Variants in ODAD2 observed in about 807,000 individuals in gnomAD.
The protein encoded by ODAD2 is outer dynein arm-docking complex subunit 2.
A neutral mutation model predicts 106.8 loss-of-function variants in ODAD2; 89 were observed. The ratio of observed to expected loss-of-function variants is 0.83; its 90% CI spans 0.70 to 0.99. The LOEUF (loss-of-function observed/expected upper bound fraction) is 0.99, where lower values mean the gene tolerates loss of function less well. Among genes scored for constraint, ODAD2 ranks in the 50% least tolerant of loss-of-function variants. The probability of loss-of-function intolerance (pLI) is 0.00; values close to 1 mark genes in which losing one functional copy is unlikely to be tolerated. For missense variants in ODAD2, 1,168 were observed against 1,238.5 expected, an observed-to-expected ratio of 0.94 and a Z score of 0.85; for synonymous variants, 404 against 436.2, an observed-to-expected ratio of 0.93 and a Z score of 0.92.
At chr10:27,821,466 C>T (rs1175946089) in intron 19 of ODAD2, among the ~76,000 whole-genome samples, 4 of 152,154 alleles carry the variant, frequency 2.6e-5, no homozygotes, top group Admixed American at 2.6e-4. Flanking sequence ...AATATGTTTT[C>T]ATTTTCCTAC....
chr10:27,818,030 A>G (rs1836273936), intron 19 of ODAD2, among the ~76,000 whole-genome samples: 1 of 151,618 alleles, frequency 6.6e-6, no homozygotes, highest in Non-Finnish European at 1.5e-5. Context: ...AACCTTTGTT[A>G]TCCTGGAGTA....
chr10:27,904,658 A>G (rs1564487363), intron 17 of ODAD2, among the ~76,000 whole-genome samples: 1 of 152,170 alleles, frequency 6.6e-6, no homozygotes, highest in Non-Finnish European at 1.5e-5. Flanking sequence ...CTAAATACAG[A>G]GGCTTTATGG....
chr10:27,907,880 T>G, intron 16 of ODAD2, 103 bp from the exon 17 acceptor site: 1 of 851,692 alleles, frequency 1.2e-6, no homozygotes, highest in African/African-American at 1.7e-5. Context: ...TTTGATATTT[T>G]GCTTAGAATT....
chr10:27,940,543 A>G lies in ODAD2; in HGVS notation c.1986+20T>C, dbSNP rs1182963403. On this transcript the variant is annotated intron_variant, in intron 13 of 19. Coordinates refer to ENST00000305242, the MANE Select transcript of ODAD2 (RefSeq NM_018076.5). The stretch of plus-strand genomic sequence containing the variant: ...AAAGTCAAGTTGAGAAGGCAAGGGA[A>G]GCAGAACTGGCATGAGTACCTCTGA... 6.2e-7 allele frequency: 1 copy of G among 1,609,630 alleles called. No homozygotes were observed. The highest frequency in any genetic ancestry group is 8.5e-7 in the Non-Finnish European group (1 of 1,176,124).
chr10:27,999,568 C>A (rs1850752350), upstream of ODAD2, among the ~76,000 whole-genome samples: 1 of 152,022 alleles, frequency 6.6e-6, no homozygotes. Context: ...TTTAAATGGC[C>A]TTTACCTTTG....
rs1480448994 is a variant in ODAD2, at chr10:27,995,060, T to A, written c.83A>T (p.Glu28Val). 1 of 1,614,052 alleles carries A rather than the reference T, an allele frequency of 6.2e-7. No individual in the cohort carries two copies. The highest frequency in any genetic ancestry group is 8.5e-7 in the Non-Finnish European group (1 of 1,180,040). Residue 28 changes from glutamate to valine, a missense_variant, in exon 2 of 20, where the codon GAA becomes GTA. Glu to Val is a moderately radical substitution (Grantham distance 121). This residue lies in a region of ODAD2 where 430 missense variants were observed against 452.2 expected (regional missense o/e 0.95). Transcript: ENST00000305242. The part of the protein sequence containing the change: ...TGILEITPLN[E>V]AILKEIIVFV... ...CACAATAATTTCTTTCAATATCGCT[T>A]CATTTAGAGGGGTGATTTCGAGGAT...
chr10:27,818,704 T>G (rs1421489501), intron 19 of ODAD2, among the ~76,000 whole-genome samples: 5 of 152,222 alleles, frequency 3.3e-5, no homozygotes, highest in African/African-American at 1.2e-4. Context: ...ACCTAATATC[T>G]ACCTCTCATG....
intron 17 of ODAD2, among the ~76,000 whole-genome samples, chr10:27,895,052 A>AAAC (rs1183061186): frequency 1.3e-5 from 2 of 152,030 alleles, no homozygotes; most frequent in South Asian, 2.1e-4. Context: ...AAAAAAAAAA[A>AAAC]AAACTGTTAG....
In ODAD2 at chr10:27,924,008, A is replaced by AAGAAAGAAAGAAAGGG. The variant is rs1845017825; in HGVS notation, c.2495+11001_2495+11002insCCCTTTCTTTCTTTCT. ...AAAGAAAGAAAGAAAGAAAGAAAGA[A>AAGAAAGAAAGAAAGGG]AGAAAGAAAGAAAGAAGGAAAGAGA... On this transcript the variant is annotated intron_variant, in intron 16 of 19. Coordinates refer to ENST00000305242, the MANE Select transcript of ODAD2 (RefSeq NM_018076.5). Among the ~76,000 whole-genome samples, 58 of 104,248 alleles carry AAGAAAGAAAGAAAGGG rather than the reference A, an allele frequency of 5.6e-4. 3 individuals are homozygous for AAGAAAGAAAGAAAGGG. Among genetic ancestry groups the AAGAAAGAAAGAAAGGG allele is most frequent in the African/African-American group, 1.6e-3 (39 of 24,256 alleles). 68.4% of individuals were successfully genotyped at this position (104,248 alleles called of 152,430 possible). A position where few individuals can be genotyped will look rare whatever the true frequency, so the allele number is the denominator to read the frequency against.
At chr10:27,825,410 A>G (rs111644087) in intron 19 of ODAD2, among the ~76,000 whole-genome samples, 2 of 152,194 alleles carry the variant, frequency 1.3e-5, no homozygotes, top group South Asian at 4.1e-4. Flanking sequence ...GAGAAAAGAC[A>G]ACTTAGTGAT....
chr10:27,886,913 A>T (rs1842257641), intron 17 of ODAD2, among the ~76,000 whole-genome samples: 1 of 151,934 alleles, frequency 6.6e-6, no homozygotes, highest in Non-Finnish European at 1.5e-5. Flanking sequence ...GTGTCACTAT[A>T]AAAAGATCAA....
At position 27,944,371 on chromosome 10, in the gene ODAD2, C is replaced by T. The variant is rs140950719; in HGVS notation, c.1594G>A (p.Val532Ile). The T allele has an allele frequency of 1.1e-4, 176 of 1,613,818 alleles. No homozygotes were observed. Among genetic ancestry groups the T allele is most frequent in the Non-Finnish European group, 1.4e-4 (164 of 1,179,946 alleles). Residue 532 changes from valine (V) to isoleucine (I), a missense_variant, in exon 12 of 20, where the codon GTT becomes ATT. Coordinates refer to ENST00000305242, the MANE Select transcript of ODAD2 (RefSeq NM_018076.5). ...ATAATTGGTAAGCCCCCAAGGTCAA[C>T]AATATTCTGTCTGATTTGAGGATTA... ...SHNPQIRQNI[V>I]DLGGLPIMVN...
chr10:27,935,846 A>T (rs2134092944), intron 15 of ODAD2, among the ~76,000 whole-genome samples: 1 of 152,110 alleles, frequency 6.6e-6, no homozygotes, highest in African/African-American at 2.4e-5. Context: ...GTATGCATAT[A>T]TATATATACA....
chr10:27,852,446 G>A (rs1839328856), intron 19 of ODAD2, among the ~76,000 whole-genome samples: 1 of 152,184 alleles, frequency 6.6e-6, no homozygotes, highest in South Asian at 2.1e-4. Context: ...ATGTTTATAT[G>A]TATAACATTA....
intron 19 of ODAD2, among the ~76,000 whole-genome samples, chr10:27,824,653 C>T (rs1299668341): frequency 6.6e-6 from 1 of 152,184 alleles, no homozygotes; most frequent in Non-Finnish European, 1.5e-5. Flanking sequence ...ATCCATAGAT[C>T]TCTTTATTTG....
In ODAD2 at chr10:27,907,706, G is replaced by T; in HGVS notation, c.2567C>A (p.Ala856Asp). The T allele has an allele frequency of 6.2e-7, 1 of 1,613,816 alleles. No homozygotes were observed. The highest frequency in any genetic ancestry group is 8.5e-7 in the Non-Finnish European group (1 of 1,179,856). ...TGGACAGAGTGCCCATGCTGCGCTG[G>T]CCTTCACGTCTGGGTGAGGATTTTT... ...LLKNPHPDVK[A>D]SAAWALCPCI... is the part of the protein sequence containing the mutation. The change falls in exon 17 of 20, where the codon GCC (alanine) becomes GAC (aspartate). Residue 856 changes from alanine (A) to aspartate (D), a missense_variant. Transcript: ENST00000305242.
At chr10:27,940,521 G>A in intron 13 of ODAD2, 42 bp downstream of exon 13, 1 of 1,604,510 alleles carries the variant, frequency 6.2e-7, no homozygotes, top group Non-Finnish European at 8.5e-7. Context: ...ACTAAAGAAA[G>A]TCAAGTTGAG....
chr10:27,949,394 A>C (rs933065), intron 10 of ODAD2, among the ~76,000 whole-genome samples: 57,314 of 152,078 alleles, frequency 0.38, 12,159 homozygotes, highest in Middle Eastern at 0.59. Context: ...GTGGAAGCAC[A>C]TCACAGGGAA....
At chr10:27,871,497 T>A (rs1840883037) in intron 17 of ODAD2, among the ~76,000 whole-genome samples, 1 of 152,198 alleles carries the variant, frequency 6.6e-6, no homozygotes, top group Admixed American at 6.5e-5. Context: ...AGGTCTAACA[T>A]TTAAGTCTTT....
Sources: gnomAD v4.1 joint callset for allele counts (sites outside exome capture counted in the v4.1 genomes callset) on GRCh38, gnomAD v4.1.1 for gene constraint, gnomAD v4.1.1 regional missense constraint, MANE v1.5 for transcripts, NCBI Gene and HGNC (gene_info 2026-07-23, HGNC 2026-07-21) for gene names.